The following ZNF804B variants were observed in gnomAD, a reference collection of about 807,000 sequenced individuals.
ZNF804B encodes the protein zinc finger 804B.
Under a neutral mutation model 101.4 loss-of-function variants are expected in ZNF804B, and 80 were observed. The ratio of observed to expected loss-of-function variants is 0.79; its 90% confidence interval spans 0.66 to 0.95. The LOEUF is 0.95. ZNF804B is among the 40% of genes least tolerant of loss of function. ZNF804B has a pLI of 0.00. For synonymous variants in ZNF804B, 622 were observed against 558.8 expected, an observed-to-expected ratio of 1.11 and a Z score of -1.59; for missense variants, 1,673 against 1,561.9, an observed-to-expected ratio of 1.07 and a Z score of -1.20.
chr7:89,335,195 AT>A lies in ZNF804B; in HGVS notation c.2216del (p.Leu739CysfsTer20), dbSNP rs769807057. The A allele has an allele frequency of 6.2e-7, 1 of 1,613,886 alleles. No individual in the cohort carries two copies. The highest frequency in any genetic ancestry group is 8.5e-7 in the Non-Finnish European group (1 of 1,179,934). On this transcript the variant is annotated frameshift_variant, in exon 4 of 4. Transcript: ENST00000333190. LOFTEE classifies it high-confidence loss of function. ...SHRFNGNSRG[N>X]LLCFHKREHH... is the part of the protein sequence containing the mutation. ...AGATTCAATGGTAATAGCAGAGGTAATTTGCTCTGCTTCCATAAAAGAGAAC... is the reference window on the plus strand; with the variant it reads ...AGATTCAATGGTAATAGCAGAGGTAATTGCTCTGCTTCCATAAAAGAGAAC...
At chr7:89,249,919 G>A (rs1789513403) in intron 2 of ZNF804B, among the ~76,000 whole-genome samples, 2 of 152,150 alleles carry the variant, frequency 1.3e-5, no homozygotes, top group Admixed American at 1.3e-4. Context: ...CAGCTGTGGT[G>A]GTTCACACCA....
intron 1 of ZNF804B, among the ~76,000 whole-genome samples, chr7:88,906,585 A>G (rs1012309433): frequency 3.3e-5 from 5 of 151,988 alleles, no homozygotes; most frequent in African/African-American, 1.2e-4. Context: ...TTTTTGTATT[A>G]TGGTCTGAGG....
intron 1 of ZNF804B, among the ~76,000 whole-genome samples, chr7:89,007,891 T>C (rs1788394362): frequency 6.6e-6 from 1 of 151,670 alleles, no homozygotes; most frequent in African/African-American, 2.4e-5. Context: ...ATATGCAAAA[T>C]TAGTTAATAA....
intron 2 of ZNF804B, among the ~76,000 whole-genome samples, chr7:89,247,822 A>G (rs1789474575): frequency 6.6e-6 from 1 of 152,208 alleles, no homozygotes. Context: ...AACAAGATCC[A>G]AGACAAGGTT....
At chr7:89,125,203 G>A (rs1355574350) in intron 1 of ZNF804B, among the ~76,000 whole-genome samples, 4 of 151,782 alleles carry the variant, frequency 2.6e-5, no homozygotes. Flanking sequence ...GCGCCAAGGA[G>A]AATAGATAAA....
intron 1 of ZNF804B, among the ~76,000 whole-genome samples, chr7:88,880,639 A>G (rs1792016337): frequency 6.6e-6 from 1 of 152,162 alleles, no homozygotes; most frequent in African/African-American, 2.4e-5. Flanking sequence ...ATTATGCAGT[A>G]GAATTTACCA....
chr7:89,312,786 C>T (rs1312968083), intron 2 of ZNF804B, among the ~76,000 whole-genome samples: 1 of 150,816 alleles, frequency 6.6e-6, no homozygotes, highest in African/African-American at 2.4e-5. Context: ...CTGAGGCCAG[C>T]CTGGGTAACA....
intron 1 of ZNF804B, among the ~76,000 whole-genome samples, chr7:88,944,798 G>A (rs1471142942): frequency 6.6e-6 from 1 of 151,772 alleles, no homozygotes; most frequent in Non-Finnish European, 1.5e-5. Context: ...AACTTTTTGA[G>A]TGCTGACAGA....
intron 3 of ZNF804B, among the ~76,000 whole-genome samples, chr7:89,332,943 A>G (rs1388744768): frequency 6.6e-6 from 1 of 151,834 alleles, no homozygotes; most frequent in African/African-American, 2.4e-5. Flanking sequence ...ACATAAAAGC[A>G]AATTTAAAAA....
At chr7:88,813,434 AAAAAG>A (rs1790823713) in intron 1 of ZNF804B, among the ~76,000 whole-genome samples, 1 of 151,646 alleles carries the variant, frequency 6.6e-6, no homozygotes, top group African/African-American at 2.4e-5. Context: ...AAAAAAAAAA[AAAAAG>A]AAAAGAAAAA....
chr7:88,968,073 A>T (rs551973046), intron 1 of ZNF804B, among the ~76,000 whole-genome samples: 529 of 151,680 alleles, frequency 3.5e-3, no homozygotes, highest in Non-Finnish European at 5.3e-3. Context: ...TTCAAAAAAA[A>T]TTCATCAAGA....
chr7:89,016,879 C>G (rs549028471), intron 1 of ZNF804B, among the ~76,000 whole-genome samples: 1 of 152,176 alleles, frequency 6.6e-6, no homozygotes, highest in African/African-American at 2.4e-5. Flanking sequence ...TGAAGAAAGT[C>G]ATTGGTAGCT....
At chr7:89,117,566 C>A (rs1383495774) in intron 1 of ZNF804B, among the ~76,000 whole-genome samples, 1 of 152,058 alleles carries the variant, frequency 6.6e-6, no homozygotes, top group African/African-American at 2.4e-5. Flanking sequence ...AGTATGATAC[C>A]CAGTTGGATG....
chr7:88,813,299 C>T (rs1442458275), intron 1 of ZNF804B, among the ~76,000 whole-genome samples: 1 of 151,472 alleles, frequency 6.6e-6, no homozygotes, highest in Non-Finnish European at 1.5e-5. Context: ...TGGTGGCGGG[C>T]GCATGTAGTC....
intron 1 of ZNF804B, among the ~76,000 whole-genome samples, chr7:88,809,962 T>C (rs1415199868): frequency 6.6e-6 from 1 of 152,206 alleles, no homozygotes; most frequent in East Asian, 1.9e-4. Flanking sequence ...AAGTTTCCAC[T>C]CCTTTATTGT....
At chr7:89,038,329 C>A (rs1788960249) in intron 1 of ZNF804B, among the ~76,000 whole-genome samples, 1 of 152,090 alleles carries the variant, frequency 6.6e-6, no homozygotes, top group African/African-American at 2.4e-5. Context: ...CCAACACTTA[C>A]TTTTTGTCTT....
chr7:89,039,162 G>A (rs1176583516), intron 1 of ZNF804B, among the ~76,000 whole-genome samples: 1 of 151,646 alleles, frequency 6.6e-6, no homozygotes, highest in Non-Finnish European at 1.5e-5. Context: ...TGCCGTTTGT[G>A]GTTTTATACT....
rs1386058436 is a variant in ZNF804B, at chr7:89,334,146, A to T, written c.1164A>T (p.Ser388=). The change falls in exon 4 of 4, where the codon TCA becomes TCT. Residue 388 remains serine (S), a synonymous_variant. Coordinates refer to ENST00000333190, the MANE Select transcript of ZNF804B (RefSeq NM_181646.5). ...TATCTGAATGCCTGGATGAGTTTTC[A>T]TCACTGGAGCCAAGTGAACAAAAGA... ...ARISECLDEF[S]SLEPSEQKST... The T allele has an allele frequency of 6.2e-7, 1 of 1,613,564 alleles. No individual in the cohort carries two copies. Among genetic ancestry groups the T allele is most frequent in the Non-Finnish European group, 8.5e-7 (1 of 1,179,854 alleles).
chr7:88,996,943 A>G (rs1788209400), intron 1 of ZNF804B, among the ~76,000 whole-genome samples: 1 of 152,038 alleles, frequency 6.6e-6, no homozygotes, highest in Non-Finnish European at 1.5e-5. Context: ...ACAGATGGAC[A>G]CGGTAAAAGT....
Sources: gnomAD v4.1 joint callset for allele counts (sites outside exome capture counted in the v4.1 genomes callset) on GRCh38, gnomAD v4.1.1 for gene constraint, MANE v1.5 for transcripts, NCBI Gene and HGNC (gene_info 2026-07-23, HGNC 2026-07-21) for gene names.